The following KAZN variants were observed in gnomAD, a reference collection of about 807,000 sequenced individuals.
KAZN encodes kazrin, periplakin interacting protein.
A neutral mutation model predicts 87.4 loss-of-function variants in KAZN; 40 were observed. The ratio of observed to expected loss-of-function variants is 0.46; its 90% CI spans 0.36 to 0.60. The LOEUF (loss-of-function observed/expected upper bound fraction) is 0.60. Ranked by LOEUF, KAZN falls within the 20% of genes least tolerant of loss-of-function variation. KAZN has a pLI of 0.00. For missense variants in KAZN, 898 were observed against 1,073.9 expected (o/e 0.84, Z 2.29); for synonymous variants, 466 against 458.3 (o/e 1.02, Z -0.22).
At chr1:14,524,913 A>T (rs1290917460) in intron 2 of KAZN, among the ~76,000 whole-genome samples, 1 of 152,254 alleles carries the variant, frequency 6.6e-6, no homozygotes, top group African/African-American at 2.4e-5. Flanking sequence ...CAAAATATTC[A>T]TATATTTCTT....
chr1:14,375,243 G>A (rs1660803132), intron 2 of KAZN, among the ~76,000 whole-genome samples: 1 of 152,114 alleles, frequency 6.6e-6, no homozygotes, highest in Non-Finnish European at 1.5e-5. Flanking sequence ...AAAGAGTGCA[G>A]GAGGTTAGAT....
chr1:14,331,662 T>G (rs1656866642), intron 2 of KAZN, among the ~76,000 whole-genome samples: 2 of 152,160 alleles, frequency 1.3e-5, no homozygotes, highest in Non-Finnish European at 2.9e-5. Context: ...TTTTGTTCTC[T>G]TCTTAAAAAG....
intron 3 of KAZN, among the ~76,000 whole-genome samples, chr1:15,040,076 C>T (rs568310645): frequency 1.3e-5 from 2 of 152,250 alleles, no homozygotes; most frequent in African/African-American, 4.8e-5. Context: ...ATTGTTGGGT[C>T]CAGCCCCATT....
At chr1:14,623,600 C>T (rs1036148466) in intron 1 of KAZN, among the ~76,000 whole-genome samples, 1 of 152,208 alleles carries the variant, frequency 6.6e-6, no homozygotes, top group African/African-American at 2.4e-5. Flanking sequence ...CAAGCCTGCA[C>T]ATGTACCCCT....
chr1:14,619,031 C>G (rs113500654), intron 1 of KAZN, among the ~76,000 whole-genome samples: 1,644 of 151,892 alleles, frequency 0.011, 35 homozygotes, highest in African/African-American at 0.036. Context: ...GCCAGTGTTT[C>G]GGTTTGGCTC....
At chr1:14,541,420 G>A (rs1413205484) in intron 2 of KAZN, among the ~76,000 whole-genome samples, 2 of 152,186 alleles carry the variant, frequency 1.3e-5, no homozygotes, top group East Asian at 3.9e-4. Context: ...AAACACTGAG[G>A]TCAAGGCAAG....
chr1:14,621,978 G>A (rs1678731629), intron 1 of KAZN, among the ~76,000 whole-genome samples: 1 of 152,124 alleles, frequency 6.6e-6, no homozygotes, highest in Non-Finnish European at 1.5e-5. Context: ...GCTTGAACAG[G>A]GCATAAAGTA....
intron 2 of KAZN, among the ~76,000 whole-genome samples, chr1:14,249,508 G>T (rs960346663): frequency 7.2e-5 from 11 of 152,202 alleles, no homozygotes; most frequent in Non-Finnish European, 1.5e-4. Flanking sequence ...TTCAAGAGAT[G>T]ATTAGAAACC....
intron 1 of KAZN, among the ~76,000 whole-genome samples, chr1:14,141,144 C>T (rs1645226287): frequency 6.6e-6 from 1 of 151,654 alleles, no homozygotes; most frequent in Admixed American, 6.6e-5. Flanking sequence ...CTAAACTTCC[C>T]CAGAAAACCC....
chr1:15,103,456 T>C lies in KAZN; in HGVS notation c.1877T>C (p.Leu626Pro). Residue 626 changes from leucine to proline, a missense_variant, in exon 12 of 15, where the codon CTG becomes CCG. By Grantham distance (98) the Leu-to-Pro change is moderately conservative (BLOSUM62 -3). Transcript: ENST00000376030. ...CTCAAGTGGGTTCGAGACATCGACCTGAAGGTGAGGGTGATAGCGGAGGTC... is the reference window on the plus strand; with the variant it reads ...CTCAAGTGGGTTCGAGACATCGACCCGAAGGTGAGGGTGATAGCGGAGGTC... ...RVLKWVRDID[L>P]KEYADNLTNS... 1 of 1,546,758 alleles carries C rather than the reference T, an allele frequency of 6.5e-7. No individual in the cohort carries two copies. Among genetic ancestry groups the C allele is most frequent in the Non-Finnish European group, 8.7e-7 (1 of 1,145,038 alleles).
At chr1:14,245,576 G>T (rs1239252569) in intron 2 of KAZN, among the ~76,000 whole-genome samples, 1 of 152,068 alleles carries the variant, frequency 6.6e-6, no homozygotes, top group African/African-American at 2.4e-5. Flanking sequence ...CTGAGGACTT[G>T]CTTGTCCAAG....
rs1023415829 is a variant in KAZN, at chr1:15,099,118, T to C, written c.1548-2425T>C. On this transcript the variant is annotated intron_variant, in intron 10 of 14. Coordinates refer to ENST00000376030, the MANE Select transcript of KAZN (RefSeq NM_201628.3). The surrounding 1 kb of genome is among the most constrained non-coding windows in gnomAD (Gnocchi z 5.4). ...ATAGGAGTTCACTGGGGGAAGAGGG[T>C]GGGGTAGAGGACAGGCCCGGAGACA... is the stretch of plus-strand genomic sequence containing the variant. 1.3e-5 allele frequency among the ~76,000 whole-genome samples: 2 copies of C among 151,338 alleles called. No individual in the cohort carries two copies. The highest frequency in any genetic ancestry group is 2.9e-5 in the Non-Finnish European group (2 of 67,826).
intron 14 of KAZN, 196 bp downstream of exon 14, chr1:15,112,737 G>GC (rs150305993): frequency 0.11 from 60,964 of 532,540 alleles, 4,208 homozygotes; most frequent in Non-Finnish European, 0.14. Flanking sequence ...AGTGCACAAA[G>GC]CCCCCGCAGG....
intron 1 of KAZN, among the ~76,000 whole-genome samples, chr1:14,928,975 T>C (rs1472865391): frequency 6.6e-6 from 1 of 152,244 alleles, no homozygotes; most frequent in Non-Finnish European, 1.5e-5. Flanking sequence ...AGTTTTGGAA[T>C]CAAACACACA....
intron 1 of KAZN, among the ~76,000 whole-genome samples, chr1:13,913,578 A>C (rs966089090): frequency 6.6e-6 from 1 of 152,154 alleles, no homozygotes; most frequent in Non-Finnish European, 1.5e-5. Context: ...CCAGCAAGGC[A>C]ATTCTTACAG....
intron 2 of KAZN, among the ~76,000 whole-genome samples, chr1:14,312,881 G>T (rs13375920): frequency 0.49 from 73,624 of 151,730 alleles, 19,038 homozygotes; most frequent in African/African-American, 0.67. Flanking sequence ...CCTTCCCCAG[G>T]TGAGCCTTGA....
At chr1:14,472,043 G>A (rs1668483800) in intron 2 of KAZN, among the ~76,000 whole-genome samples, 1 of 152,142 alleles carries the variant, frequency 6.6e-6, no homozygotes, top group Non-Finnish European at 1.5e-5. Flanking sequence ...TGTCTGGTGA[G>A]GGCTCACGTT....
At chr1:14,028,398 G>A (rs961975723) in intron 1 of KAZN, among the ~76,000 whole-genome samples, 7 of 152,094 alleles carry the variant, frequency 4.6e-5, no homozygotes, top group African/African-American at 1.7e-4. Flanking sequence ...CCTGGAGCTC[G>A]AATTTGTCTA....
chr1:15,109,907 GTGTA>G (rs1641446223), intron 13 of KAZN, among the ~76,000 whole-genome samples: 1 of 151,330 alleles, frequency 6.6e-6, no homozygotes. Flanking sequence ...ATATGTGTTT[GTGTA>G]TGTTTGTGTA....
Sources: gnomAD v4.1 joint callset for allele counts (sites outside exome capture counted in the v4.1 genomes callset) on GRCh38, gnomAD v4.1.1 for gene constraint, Gnocchi (gnomAD v3.1) non-coding constraint, MANE v1.5 for transcripts, NCBI Gene and HGNC (gene_info 2026-07-23, HGNC 2026-07-21) for gene names.